The following NSG1 variants were observed in gnomAD, a reference collection of about 807,000 sequenced individuals.
NSG1 encodes neuronal vesicle trafficking-associated protein 1.
Under a neutral mutation model 19.3 loss-of-function variants are expected in NSG1, and 9 were observed. The ratio of observed to expected loss-of-function variants is 0.47; its 90% CI spans 0.28 to 0.81. The LOEUF (loss-of-function observed/expected upper bound fraction) is 0.81, where lower values mean the gene tolerates loss of function less well. Ranked by LOEUF, NSG1 falls within the 40% of genes least tolerant of loss-of-function variation. The pLI is 0.11. For synonymous variants in NSG1, 104 were observed against 107.0 expected (o/e 0.97, Z 0.17); for missense variants, 236 against 242.4 (o/e 0.97, Z 0.18).
At chr4:4,387,561 C>CCGGGGGGGGTGGGGGG in intron 1 of NSG1, 43 bp from the exon 2 acceptor site, 1 of 1,141,986 alleles carries the variant, frequency 8.8e-7, no homozygotes, top group East Asian at 2.7e-5. Context: ...CGCCCCGCCC[C>CCGGGGGGGGTGGGGGG]GGGTCTTGCT....
intron 4 of NSG1, 67 bp downstream of exon 4, chr4:4,409,750 C>A: frequency 2.4e-6 from 3 of 1,272,772 alleles, no homozygotes; most frequent in Non-Finnish European, 3.4e-6. Context: ...CCCTTGAACT[C>A]AAGGCTGCTC....
chr4:4,389,548 G>T (rs1398934171), intron 2 of NSG1, among the ~76,000 whole-genome samples: 1 of 152,154 alleles, frequency 6.6e-6, no homozygotes, highest in African/African-American at 2.4e-5. Context: ...CAGTCCTCCA[G>T]GATGCAGAAG....
intron 3 of NSG1, among the ~76,000 whole-genome samples, chr4:4,404,529 G>C (rs1723747122): frequency 6.6e-6 from 1 of 152,196 alleles, no homozygotes; most frequent in African/African-American, 2.4e-5. Flanking sequence ...TGAATGGCTA[G>C]TTCGTCCATC....
chr4:4,411,310 A>G (rs1301156212), intron 4 of NSG1, among the ~76,000 whole-genome samples: 1 of 152,224 alleles, frequency 6.6e-6, no homozygotes, highest in East Asian at 1.9e-4. Flanking sequence ...ATTTTTGTTA[A>G]AGCTAAGGAC....
Position 4,417,539 on chromosome 4 carries a change from T to A in NSG1, c.*104T>A. ...ACTGATACTTTAGAGGTTACTCATT[T>A]ACGGTGCAATTGCTTCTGTTTGCTA... On this transcript the variant is annotated 3_prime_UTR_variant, in exon 5 of 5. Transcript: ENST00000621129. 8.8e-7 allele frequency: 1 copy of A among 1,140,324 alleles called. No individual in the cohort carries two copies. The highest frequency in any genetic ancestry group is 1.3e-6 in the Non-Finnish European group (1 of 791,546). 70.6% of individuals were successfully genotyped at this position (1,140,324 alleles called of 1,614,324 possible). A position where few individuals can be genotyped will look rare whatever the true frequency, so the allele number is the denominator to read the frequency against.
At chr4:4,416,592 G>A (rs1395343806) in intron 4 of NSG1, among the ~76,000 whole-genome samples, 1 of 152,152 alleles carries the variant, frequency 6.6e-6, no homozygotes, top group South Asian at 2.1e-4. Flanking sequence ...AGGGAATGGG[G>A]GTGTGGATTT....
At chr4:4,402,371 ATTTTTTTTTTTTTTTTTT>A (rs1161754574) in intron 3 of NSG1, among the ~76,000 whole-genome samples, 44 of 53,952 alleles carry the variant, frequency 8.2e-4, no homozygotes, top group Middle Eastern at 0.037. Context: ...ACGCCTGGTT[ATTTTTTTTTTTTTTTTTT>A]TTTTTTTTTT....
At chr4:4,401,092 G>A (rs1723524570) in intron 3 of NSG1, among the ~76,000 whole-genome samples, 1 of 152,208 alleles carries the variant, frequency 6.6e-6, no homozygotes, top group Admixed American at 6.5e-5. Flanking sequence ...GGGCCACCGT[G>A]GGATGCACAG....
At chr4:4,402,756 G>T (rs1282637318) in intron 3 of NSG1, among the ~76,000 whole-genome samples, 1 of 152,196 alleles carries the variant, frequency 6.6e-6, no homozygotes, top group Admixed American at 6.5e-5. Flanking sequence ...GTGGGCCCGG[G>T]TGTGGGCCCC....
chr4:4,404,993 G>A (rs889384315), intron 3 of NSG1, among the ~76,000 whole-genome samples: 1 of 152,156 alleles, frequency 6.6e-6, no homozygotes, highest in African/African-American at 2.4e-5. Flanking sequence ...CCTGACCCCT[G>A]TGAAGTCACT....
At chr4:4,406,537 C>G (rs1005745950) in intron 3 of NSG1, among the ~76,000 whole-genome samples, 2 of 152,182 alleles carry the variant, frequency 1.3e-5, no homozygotes, top group East Asian at 1.9e-4. Context: ...AGGCTGGCCC[C>G]GGGTGAACAT....
intron 3 of NSG1, among the ~76,000 whole-genome samples, chr4:4,394,014 G>A (rs1723125338): frequency 6.6e-6 from 1 of 152,182 alleles, no homozygotes; most frequent in African/African-American, 2.4e-5. Context: ...GCTAGACTCT[G>A]CTTCACACTC....
intron 4 of NSG1, among the ~76,000 whole-genome samples, chr4:4,411,294 C>T (rs1724165915): frequency 6.6e-6 from 1 of 151,938 alleles, no homozygotes; most frequent in Non-Finnish European, 1.5e-5. Context: ...TTTTTACTTC[C>T]AACACATTTT....
At chr4:4,409,213 G>A (rs576839720) in intron 3 of NSG1, among the ~76,000 whole-genome samples, 1 of 152,366 alleles carries the variant, frequency 6.6e-6, no homozygotes, top group Non-Finnish European at 1.5e-5. Flanking sequence ...CCGTGATGGG[G>A]CAGTGGGCAG....
upstream of NSG1, chr4:4,386,925 T>C (rs1489241957): frequency 6.6e-6 from 1 of 151,854 alleles, no homozygotes; most frequent in Non-Finnish European, 1.5e-5. Flanking sequence ...CGCACTCCTT[T>C]GTGCGGCCGG....
rs529369872 is a variant in NSG1 at position 4,391,280 on chromosome 4, A to G, written c.130-195A>G. Among the ~76,000 whole-genome samples, 4 of 152,350 alleles carry G rather than the reference A, an allele frequency of 2.6e-5. No homozygotes were observed. The East Asian group carries it at 5.8e-4, about 22-fold the overall frequency. On this transcript the variant is annotated intron_variant, in intron 2 of 4. Transcript: ENST00000621129. ...ATAATATTTCCCTCCTGGGACTGCT[A>G]TCAGGATTATGAATGGGTCATTTCT...
intron 3 of NSG1, among the ~76,000 whole-genome samples, chr4:4,406,324 C>T (rs993245618): frequency 1.1e-4 from 16 of 152,182 alleles, no homozygotes; most frequent in African/African-American, 3.9e-4. Flanking sequence ...ACCACGTCTG[C>T]CCCTGAAACC....
chr4:4,413,945 G>A (rs1450784136), intron 4 of NSG1, among the ~76,000 whole-genome samples: 1 of 151,964 alleles, frequency 6.6e-6, no homozygotes, highest in Non-Finnish European at 1.5e-5. Context: ...GAGGGAGGCC[G>A]ATGTCATGGA....
chr4:4,402,419 G>A (rs1169862386), intron 3 of NSG1, among the ~76,000 whole-genome samples: 6 of 108,830 alleles, frequency 5.5e-5, no homozygotes, highest in Admixed American at 1.5e-4. Context: ...ACGGAGTCTT[G>A]CTCTGTCGCC....
Sources: gnomAD v4.1 joint callset for allele counts (sites outside exome capture counted in the v4.1 genomes callset) on GRCh38, gnomAD v4.1.1 for gene constraint, MANE v1.5 for transcripts, NCBI Gene and HGNC (gene_info 2026-07-23, HGNC 2026-07-21) for gene names.